Variants in CEP350 observed in about 807,000 individuals in gnomAD.
CEP350 encodes centrosome-associated protein 350.
In CEP350, 126 loss-of-function variants were observed where a neutral mutation model predicts 331.8. That is an observed-to-expected ratio of 0.38 (90% CI 0.33 to 0.44). CEP350 has a LOEUF of 0.44. Among genes scored for constraint, CEP350 ranks in the 20% least tolerant of loss-of-function variants. The pLI is 1.00. For missense variants in CEP350, 3,406 were observed against 3,634.6 expected, an observed-to-expected ratio of 0.94 and a Z score of 1.62; for synonymous variants, 1,200 against 1,259.5, an observed-to-expected ratio of 0.95 and a Z score of 1.00.
Position 180,062,277 on chromosome 1 carries a change from A to G in CEP350, c.5320A>G (p.Ile1774Val), listed in dbSNP as rs1478379942. The G allele has an allele frequency of 1.2e-5, 19 of 1,610,912 alleles. No homozygotes were observed. The highest frequency in any genetic ancestry group is 1.4e-5 in the Non-Finnish European group (17 of 1,178,368). Residue 1774 changes from isoleucine to valine, a missense_variant, in exon 26 of 38, where the codon ATT becomes GTT. Ile to Val is a conservative substitution (Grantham distance 29, BLOSUM62 3). This residue lies in a region of CEP350 where 1,415 missense variants were observed against 1,512.3 expected (regional missense o/e 0.94). Coordinates refer to ENST00000367607, the MANE Select transcript of CEP350 (RefSeq NM_014810.5). ...NKAARKERQLILKQQEEIEKI... is the reference protein window; with the variant it reads ...NKAARKERQLVLKQQEEIEKI... Reference sequence around the variant, plus strand: ...GGCAGCTCGGAAGGAAAGACAGCTGATTCTTAAACAGCAGGAGGAGATAGA... The same window carrying G: ...GGCAGCTCGGAAGGAAAGACAGCTGGTTCTTAAACAGCAGGAGGAGATAGA...
At chr1:180,102,708 T>TTAA (rs1219043644) in intron 37 of CEP350, among the ~76,000 whole-genome samples, 2 of 152,258 alleles carry the variant, frequency 1.3e-5, no homozygotes, top group African/African-American at 4.8e-5. Flanking sequence ...CACTTAGTAT[T>TTAA]TCATTAACTT....
intron 32 of CEP350, 81 bp from the exon 33 acceptor site, chr1:180,090,633 A>G: frequency 1.7e-6 from 2 of 1,190,062 alleles, no homozygotes; most frequent in Non-Finnish European, 2.2e-6. Flanking sequence ...GGAAAGAAGC[A>G]GTTGTCTAAG....
intron 21 of CEP350, among the ~76,000 whole-genome samples, chr1:180,044,442 G>C (rs1246362897): frequency 6.6e-6 from 1 of 151,942 alleles, no homozygotes; most frequent in Non-Finnish European, 1.5e-5. Flanking sequence ...AAGGCAGATG[G>C]TATTATCCTT....
At position 179,959,063 on chromosome 1, in the gene CEP350, A is replaced by G. The variant is rs551210056; in HGVS notation, c.-14+3921A>G. 1.1e-4 allele frequency among the ~76,000 whole-genome samples: 17 copies of G among 152,284 alleles called. No homozygotes were observed. The South Asian group carries it at 1.4e-3, about 13-fold the overall frequency. On this transcript the variant is annotated intron_variant, in intron 1 of 37. Coordinates refer to ENST00000367607, the MANE Select transcript of CEP350 (RefSeq NM_014810.5). Reference sequence around the variant, plus strand: ...AAAAAGGAAGTAAATTTTTTCTTCTATTAAATAGTGATATAAATGTATTTT... The same window carrying G: ...AAAAAGGAAGTAAATTTTTTCTTCTGTTAAATAGTGATATAAATGTATTTT...
In CEP350 at chr1:179,985,203, CTA is replaced by C. The variant is rs780151703; in HGVS notation, c.-13-964_-13-963del. 5.9e-5 allele frequency among the ~76,000 whole-genome samples: 9 copies of C among 152,230 alleles called. No homozygotes were observed. The South Asian group carries it at 8.3e-4, about 14-fold the overall frequency. On this transcript the variant is annotated intron_variant, in intron 1 of 37. Transcript: ENST00000367607. ...ACAACCACCATTCTACTTTCTGTCT[CTA>C]TGTTTTTGACTATTCTGACTGTCTC...
chr1:179,986,145 C>A (rs756011334), intron 1 of CEP350, 24 bp from the exon 2 acceptor site: 1 of 1,508,870 alleles, frequency 6.6e-7, no homozygotes, highest in East Asian at 2.5e-5. Flanking sequence ...GATTGATGTT[C>A]GGTGAATACT....
chr1:179,984,963 A>T (rs1288310766), intron 1 of CEP350, among the ~76,000 whole-genome samples: 1 of 152,112 alleles, frequency 6.6e-6, no homozygotes, highest in Non-Finnish European at 1.5e-5. Flanking sequence ...TTGAGTTGTG[A>T]TATGATTTTT....
rs542933092 is a variant in CEP350 at position 179,955,211 on chromosome 1, C to T, written c.-14+69C>T. On this transcript the variant is annotated intron_variant, in intron 1 of 37. Transcript: ENST00000367607. The stretch of plus-strand genomic sequence containing the variant: ...AGCCTCAACTGTCTCTGTCCGCGGT[C>T]CCGGGTCCCCGGTGGCGGCAAGAGA... 8.3e-6 allele frequency: 10 copies of T among 1,200,324 alleles called. No homozygotes were observed. The South Asian group carries it at 1.5e-4, about 18-fold the overall frequency. 74.4% of individuals were successfully genotyped at this position (1,200,324 alleles called of 1,614,324 possible). A position where few individuals can be genotyped will look rare whatever the true frequency, so the allele number is the denominator to read the frequency against.
intron 17 of CEP350, 54 bp from the exon 18 acceptor site, chr1:180,041,084 C>A: frequency 7.7e-7 from 1 of 1,291,046 alleles, no homozygotes; most frequent in Non-Finnish European, 1.1e-6. Flanking sequence ...GTTATAGTCA[C>A]TGTGTTAAAA....
chr1:179,985,201 C>G (rs1368783351), intron 1 of CEP350, among the ~76,000 whole-genome samples: 1 of 152,100 alleles, frequency 6.6e-6, no homozygotes, highest in Admixed American at 6.6e-5. Flanking sequence ...TACTTTCTGT[C>G]TCTATGTTTT....
chr1:180,048,007 C>A (rs1044491577), intron 21 of CEP350, among the ~76,000 whole-genome samples: 1 of 152,016 alleles, frequency 6.6e-6, no homozygotes, highest in Non-Finnish European at 1.5e-5. Flanking sequence ...TATCTTTCAT[C>A]CAGATTATTC....
At chr1:180,083,181 T>TA (rs1349656089) in intron 30 of CEP350, among the ~76,000 whole-genome samples, 1 of 152,220 alleles carries the variant, frequency 6.6e-6, no homozygotes, top group Non-Finnish European at 1.5e-5. Flanking sequence ...GTAAGACTAT[T>TA]AAATGTCTCA....
At chr1:180,007,615 C>A (rs1654345883) in intron 8 of CEP350, among the ~76,000 whole-genome samples, 1 of 152,066 alleles carries the variant, frequency 6.6e-6, no homozygotes, top group Admixed American at 6.6e-5. Context: ...TTAATTAGAT[C>A]CTATTTGTCA....
chr1:180,080,209 C>T (rs564077483), intron 29 of CEP350, among the ~76,000 whole-genome samples: 25 of 152,114 alleles, frequency 1.6e-4, no homozygotes, highest in Middle Eastern at 3.4e-3. Flanking sequence ...TGGAGGGGGG[C>T]GGTAAATATT....
At chr1:179,989,190 C>T (rs139732660) in intron 3 of CEP350, among the ~76,000 whole-genome samples, 1 of 152,074 alleles carries the variant, frequency 6.6e-6, no homozygotes, top group East Asian at 1.9e-4. Flanking sequence ...CAGTGTCTCA[C>T]GCCTGTAATC....
At chr1:179,973,487 C>G (rs770677360) in intron 1 of CEP350, among the ~76,000 whole-genome samples, 1 of 152,056 alleles carries the variant, frequency 6.6e-6, no homozygotes. Context: ...TATCCAGTAA[C>G]GTTTATATGT....
intron 8 of CEP350, among the ~76,000 whole-genome samples, chr1:180,009,725 A>G (rs1654502693): frequency 6.6e-6 from 1 of 152,220 alleles, no homozygotes; most frequent in South Asian, 2.1e-4. Context: ...ACATAAGAAC[A>G]TCAAGTTTCT....
chr1:180,042,401 C>G (rs1216918781), intron 19 of CEP350, among the ~76,000 whole-genome samples: 1 of 152,152 alleles, frequency 6.6e-6, no homozygotes. Flanking sequence ...GATACAGTTT[C>G]ACTTTATTTT....
intron 8 of CEP350, 117 bp from the exon 9 acceptor site, chr1:180,011,812 A>C: frequency 1.5e-6 from 1 of 673,062 alleles, no homozygotes; most frequent in Non-Finnish European, 2.4e-6. Flanking sequence ...TTATATTGTA[A>C]ATCTTTTGAC....
Sources: allele counts gnomAD v4.1 joint callset (sites outside exome capture counted in the v4.1 genomes callset), GRCh38; gene constraint gnomAD v4.1.1; regional missense constraint gnomAD v4.1.1; transcripts MANE v1.5; gene names NCBI Gene and HGNC (gene_info 2026-07-23, HGNC 2026-07-21).